The following CNTN5 variants were observed in gnomAD, a reference collection of about 807,000 sequenced individuals.
CNTN5 encodes contactin-5.
Under a neutral mutation model 129.1 loss-of-function variants are expected in CNTN5, and 77 were observed. That is an observed-to-expected ratio of 0.60 (90% CI 0.50 to 0.72). The LOEUF (loss-of-function observed/expected upper bound fraction) is 0.72. Ranked by LOEUF, CNTN5 falls within the 30% of genes least tolerant of loss-of-function variation. The pLI is 0.00. For synonymous variants in CNTN5, 509 were observed against 465.6 expected, an observed-to-expected ratio of 1.09 and a Z score of -1.20; for missense variants, 1,478 against 1,328.8, an observed-to-expected ratio of 1.11 and a Z score of -1.75.
chr11:99,441,874 A>G (rs956388015), intron 2 of CNTN5, among the ~76,000 whole-genome samples: 2 of 152,128 alleles, frequency 1.3e-5, no homozygotes, highest in Non-Finnish European at 2.9e-5. Flanking sequence ...ATGTGACTCC[A>G]TGCGTTTCCA....
chr11:99,507,583 C>A (rs1306457488), intron 2 of CNTN5, among the ~76,000 whole-genome samples: 1 of 151,946 alleles, frequency 6.6e-6, no homozygotes, highest in Non-Finnish European at 1.5e-5. Context: ...AAACGATGTA[C>A]TTTGAAAATA....
intron 1 of CNTN5, among the ~76,000 whole-genome samples, chr11:99,115,982 C>T (rs1565329424): frequency 6.6e-6 from 1 of 152,080 alleles, no homozygotes; most frequent in African/African-American, 2.4e-5. Context: ...AAATATGTTT[C>T]TGAAAATGAT....
chr11:99,774,023 T>C (rs1038320597), intron 3 of CNTN5, among the ~76,000 whole-genome samples: 5 of 152,136 alleles, frequency 3.3e-5, no homozygotes, highest in African/African-American at 1.2e-4. Flanking sequence ...AACCCCACTC[T>C]GATTCTTCCT....
rs533128315 is a variant in CNTN5 at position 100,234,789 on chromosome 11, A to AT, written c.2005+9980dup. Among the ~76,000 whole-genome samples, 291 of 126,806 alleles carry AT rather than the reference A, an allele frequency of 2.3e-3. 13 individuals are homozygous for AT. Among genetic ancestry groups the AT allele is most frequent in the Middle Eastern group, 8.1e-3 (2 of 246 alleles). 83.2% of individuals were successfully genotyped at this position (126,806 alleles called of 152,430 possible). A position where few individuals can be genotyped will look rare whatever the true frequency, so the allele number is the denominator to read the frequency against. ...ACACATTCTGCACATGTATCCCAGA[A>AT]TTTAAAAAAAAAAAAAAAAAAAAAA... On this transcript the variant is annotated intron_variant, in intron 16 of 24. Coordinates refer to ENST00000524871, the MANE Select transcript of CNTN5 (RefSeq NM_014361.4).
rs559276971 is a variant in CNTN5, at chr11:99,644,625, T to A, written c.55+88356T>A. On this transcript the variant is annotated intron_variant, in intron 3 of 24. Coordinates refer to ENST00000524871, the MANE Select transcript of CNTN5 (RefSeq NM_014361.4). ...ATAAGCGCAAGAAATCAGTCAAAAT[T>A]GGCCATTTAAAACATGTTTTGCTTG... 1.6e-4 allele frequency among the ~76,000 whole-genome samples: 24 copies of A among 152,298 alleles called. No homozygotes were observed. The South Asian group carries it at 5.0e-3, about 32-fold the overall frequency.
chr11:99,748,749 G>T lies in CNTN5; in HGVS notation c.56-70795G>T, dbSNP rs7102930. Among the ~76,000 whole-genome samples the T allele has an allele frequency of 7.9e-3, 1,205 of 152,272 alleles. 17 individuals are homozygous for T. The highest frequency in any genetic ancestry group is 0.028 in the African/African-American group (1,147 of 41,560). The stretch of plus-strand genomic sequence containing the variant: ...TAGCTCCAGAAGAAAGACTGAGTTT[G>T]CCCTTTCTCTACTTTTTTGTTCTAT... On this transcript the variant is annotated intron_variant, in intron 3 of 24. Coordinates refer to ENST00000524871, the MANE Select transcript of CNTN5 (RefSeq NM_014361.4).
intron 2 of CNTN5, among the ~76,000 whole-genome samples, chr11:99,403,063 G>C (rs1405498973): frequency 6.7e-5 from 10 of 149,086 alleles, no homozygotes; most frequent in African/African-American, 2.2e-4. Context: ...CTGGAGTGCA[G>C]TGGCGGGATT....
chr11:99,909,597 T>A (rs1442248962), intron 6 of CNTN5, among the ~76,000 whole-genome samples: 1 of 151,992 alleles, frequency 6.6e-6, no homozygotes, highest in African/African-American at 2.4e-5. Flanking sequence ...ATTAAGAAAA[T>A]GTGGCACATA....
At position 100,031,440 on chromosome 11, in the gene CNTN5, C is replaced by T. The variant is rs12277526; in HGVS notation, c.980+29304C>T. On this transcript the variant is annotated intron_variant, in intron 9 of 24. Coordinates refer to ENST00000524871, the MANE Select transcript of CNTN5 (RefSeq NM_014361.4). Reference sequence around the variant, plus strand: ...TGTTCATACATCTGGGAATGGAATGCGACCCTTGTGGAGAGCCTATAAACG... The same window carrying T: ...TGTTCATACATCTGGGAATGGAATGTGACCCTTGTGGAGAGCCTATAAACG... Among the ~76,000 whole-genome samples, 287 of 152,196 alleles carry T rather than the reference C, an allele frequency of 1.9e-3. 1 individual carries two copies. Among genetic ancestry groups the T allele is most frequent in the African/African-American group, 6.4e-3 (266 of 41,532 alleles).
At chr11:99,858,432 G>A (rs1948105708) in intron 6 of CNTN5, among the ~76,000 whole-genome samples, 1 of 151,990 alleles carries the variant, frequency 6.6e-6, no homozygotes, top group African/African-American at 2.4e-5. Context: ...GAACTAGGAT[G>A]TTTATTAAAG....
At chr11:99,650,881 T>A (rs1479126617) in intron 3 of CNTN5, among the ~76,000 whole-genome samples, 2 of 151,942 alleles carry the variant, frequency 1.3e-5, no homozygotes, top group Non-Finnish European at 2.9e-5. Context: ...CTCAAATATT[T>A]AGCAATTTGG....
At chr11:99,424,300 A>G (rs924830854) in intron 2 of CNTN5, among the ~76,000 whole-genome samples, 2 of 152,210 alleles carry the variant, frequency 1.3e-5, no homozygotes, top group African/African-American at 4.8e-5. Context: ...ATGGGTGGGT[A>G]GCATAAGTGG....
At chr11:99,181,197 T>A (rs1173618355) in intron 1 of CNTN5, among the ~76,000 whole-genome samples, 1 of 152,138 alleles carries the variant, frequency 6.6e-6, no homozygotes, top group Non-Finnish European at 1.5e-5. Flanking sequence ...TTGAATGTAA[T>A]TAATGGCCAC....
intron 21 of CNTN5, among the ~76,000 whole-genome samples, chr11:100,336,388 A>C (rs1053198177): frequency 3.3e-5 from 5 of 152,252 alleles, no homozygotes; most frequent in African/African-American, 1.2e-4. Flanking sequence ...TATGTGGTAC[A>C]TAGGCATATG....
At chr11:99,442,529 T>C (rs1003540961) in intron 2 of CNTN5, among the ~76,000 whole-genome samples, 1 of 152,114 alleles carries the variant, frequency 6.6e-6, no homozygotes, top group African/African-American at 2.4e-5. Context: ...TTTGTGGAAA[T>C]TATGGGGACA....
At chr11:100,012,264 C>A (rs1342651649) in intron 9 of CNTN5, among the ~76,000 whole-genome samples, 4 of 151,910 alleles carry the variant, frequency 2.6e-5, no homozygotes, top group Admixed American at 2.6e-4. Context: ...GGTGATGGAT[C>A]CTAAAAGAAC....
chr11:99,455,189 C>A (rs1297882647), intron 2 of CNTN5, among the ~76,000 whole-genome samples: 1 of 152,030 alleles, frequency 6.6e-6, no homozygotes, highest in African/African-American at 2.4e-5. Context: ...TGCTCACACA[C>A]AAAGATGAAC....
chr11:99,069,270 A>G (rs1865233540), intron 1 of CNTN5, among the ~76,000 whole-genome samples: 1 of 152,048 alleles, frequency 6.6e-6, no homozygotes, highest in Non-Finnish European at 1.5e-5. Context: ...GTAACTCTTT[A>G]TAGCTTAGAA....
At chr11:99,509,700 C>CA (rs2135407281) in intron 2 of CNTN5, among the ~76,000 whole-genome samples, 1 of 151,160 alleles carries the variant, frequency 6.6e-6, no homozygotes, top group East Asian at 1.9e-4. Context: ...AAAATATACA[C>CA]AAAAATGAAT....
Sources: allele counts gnomAD v4.1 joint callset (sites outside exome capture counted in the v4.1 genomes callset), GRCh38; gene constraint gnomAD v4.1.1; transcripts MANE v1.5; gene names NCBI Gene and HGNC (gene_info 2026-07-23, HGNC 2026-07-21).